Variants in SEMA6D observed in about 807,000 individuals in gnomAD.
SEMA6D encodes semaphorin-6D.
Under a neutral mutation model 106.6 loss-of-function variants are expected in SEMA6D, and 35 were observed. The observed-to-expected ratio is 0.33, with a 90% CI of 0.25 to 0.44. SEMA6D has a LOEUF of 0.44. SEMA6D is among the 20% of genes least tolerant of loss of function. The pLI, the probability that SEMA6D is intolerant of heterozygous loss-of-function variation, is 1.00. For synonymous variants in SEMA6D, 499 were observed against 487.7 expected, an observed-to-expected ratio of 1.02 and a Z score of -0.31; for missense variants, 1,185 against 1,345.9, an observed-to-expected ratio of 0.88 and a Z score of 1.87.
intron 4 of SEMA6D, among the ~76,000 whole-genome samples, chr15:47,610,366 G>A (rs564386922): frequency 4.6e-5 from 7 of 152,148 alleles, no homozygotes; most frequent in African/African-American, 9.7e-5. Context: ...ACATAAGTTC[G>A]ACACACATGC....
intron 4 of SEMA6D, among the ~76,000 whole-genome samples, chr15:47,687,658 A>G (rs774252956): frequency 1.3e-5 from 2 of 152,170 alleles, no homozygotes; most frequent in South Asian, 2.1e-4. Flanking sequence ...AGAAGTATCA[A>G]TCTGGAAGCA....
chr15:47,187,991 A>C (rs1331715588), intron 1 of SEMA6D, among the ~76,000 whole-genome samples: 1 of 152,188 alleles, frequency 6.6e-6, no homozygotes, highest in Non-Finnish European at 1.5e-5. Context: ...CACTAACTTC[A>C]TAAAGCATAA....
intron 1 of SEMA6D, among the ~76,000 whole-genome samples, chr15:47,254,301 GTATA>G (rs1207435534): frequency 8.8e-6 from 1 of 113,256 alleles, no homozygotes; most frequent in Non-Finnish European, 1.8e-5. Context: ...ATATAGATGT[GTATA>G]TATATGTATA....
Position 47,270,721 on chromosome 15 carries a change from C to T in SEMA6D, c.-239+86303C>T, listed in dbSNP as rs566567509. Among the ~76,000 whole-genome samples the T allele has an allele frequency of 3.0e-4, 46 of 152,138 alleles. 1 individual carries two copies. The highest frequency in any genetic ancestry group is 7.0e-4 in the African/African-American group (29 of 41,512). ...AAAAATATATATTACAGGCCGAACGCGGTGGTTCACACCCGTAATCCTAGC... is the reference window on the plus strand; with the variant it reads ...AAAAATATATATTACAGGCCGAACGTGGTGGTTCACACCCGTAATCCTAGC... On this transcript the variant is annotated intron_variant, in intron 1 of 19. Coordinates refer to the SEMA6D transcript ENST00000558014.
In SEMA6D at chr15:47,762,299, A is replaced by G; in HGVS notation, c.638A>G (p.Tyr213Cys). 6.2e-7 allele frequency: 1 copy of G among 1,613,534 alleles called. No homozygotes were observed. ...GGATCTGCCCTTCGCACAATAAAAT[A>G]TGATTCCAAATGGATAAAAGGTACC... Reference protein sequence around the residue: ...GDGSALRTIKYDSKWIKEPHF... With the variant: ...GDGSALRTIKCDSKWIKEPHF... The change falls in exon 8 of 19, where the codon TAT becomes TGT. Residue 213 changes from tyrosine (Y) to cysteine (C), a missense_variant. This residue lies in a region of SEMA6D where 291 missense variants were observed against 423.8 expected (regional missense o/e 0.69). Coordinates refer to ENST00000536845, the MANE Select transcript of SEMA6D (RefSeq NM_001358351.3).
intron 2 of SEMA6D, among the ~76,000 whole-genome samples, chr15:47,426,981 GT>G (rs996931928): frequency 2.0e-5 from 3 of 152,110 alleles, no homozygotes; most frequent in African/African-American, 7.2e-5. Context: ...CTTTATATGG[GT>G]TAAACTATTG....
At chr15:47,466,227 G>A (rs2042654482) in intron 2 of SEMA6D, among the ~76,000 whole-genome samples, 1 of 152,056 alleles carries the variant, frequency 6.6e-6, no homozygotes, top group South Asian at 2.1e-4. Context: ...ATTATTAACT[G>A]TAGTTTCCAT....
At chr15:47,645,777 T>C (rs1393590215) in intron 4 of SEMA6D, among the ~76,000 whole-genome samples, 2 of 152,128 alleles carry the variant, frequency 1.3e-5, no homozygotes, top group Non-Finnish European at 2.9e-5. Context: ...CAGCTATACA[T>C]TGGGATTCCC....
intron 1 of SEMA6D, among the ~76,000 whole-genome samples, chr15:47,224,038 G>C (rs924458158): frequency 8.6e-5 from 13 of 151,866 alleles, no homozygotes; most frequent in African/African-American, 3.1e-4. Context: ...GGATAGCATT[G>C]GGAGATATAC....
Position 47,276,937 on chromosome 15 carries a change from G to A in SEMA6D, c.-239+92519G>A, listed in dbSNP as rs368406668. ...ATTCATGGGAGGAGGTCAAGTTACC[G>A]ACATCAACAGATGTTTCAATGAAAT... is the stretch of plus-strand genomic sequence containing the variant. On this transcript the variant is annotated intron_variant, in intron 1 of 19. Transcript: ENST00000558014. Among the ~76,000 whole-genome samples the A allele has an allele frequency of 1.7e-3, 261 of 152,254 alleles. 2 individuals are homozygous for A. The highest frequency in any genetic ancestry group is 5.7e-3 in the African/African-American group (235 of 41,566).
intron 3 of SEMA6D, among the ~76,000 whole-genome samples, chr15:47,549,327 ATG>A (rs1209291992): frequency 6.6e-6 from 1 of 152,156 alleles, no homozygotes; most frequent in African/African-American, 2.4e-5. Flanking sequence ...AGAAGTGAAG[ATG>A]TGACCCTGAG....
chr15:47,614,967 C>T (rs2076979773), intron 4 of SEMA6D, among the ~76,000 whole-genome samples: 1 of 152,090 alleles, frequency 6.6e-6, no homozygotes, highest in Non-Finnish European at 1.5e-5. Flanking sequence ...ATTATTGTTT[C>T]CTCCATACAT....
chr15:47,575,696 G>GT (rs953568620), intron 3 of SEMA6D, among the ~76,000 whole-genome samples: 3 of 151,918 alleles, frequency 2.0e-5, no homozygotes, highest in African/African-American at 7.3e-5. Context: ...TCCAGCCTGG[G>GT]TAACAGAGCA....
At chr15:47,660,364 T>TG in intron 4 of SEMA6D, among the ~76,000 whole-genome samples, 1 of 152,320 alleles carries the variant, frequency 6.6e-6, no homozygotes, top group East Asian at 1.9e-4. Flanking sequence ...CGACACAATG[T>TG]GATAACTTGC....
intron 1 of SEMA6D, among the ~76,000 whole-genome samples, chr15:47,382,136 G>T (rs1343282840): frequency 2.0e-5 from 3 of 152,102 alleles, no homozygotes; most frequent in Non-Finnish European, 4.4e-5. Context: ...CATGGCAAAA[G>T]AAATACAGTA....
intron 1 of SEMA6D, among the ~76,000 whole-genome samples, chr15:47,245,030 G>T (rs368659216): frequency 8.1e-5 from 12 of 147,944 alleles, no homozygotes; most frequent in South Asian, 4.3e-4. Flanking sequence ...ACATGATTTT[G>T]TTTTTTTTTT....
chr15:47,245,597 T>C (rs1237141514), intron 1 of SEMA6D, among the ~76,000 whole-genome samples: 1 of 152,188 alleles, frequency 6.6e-6, no homozygotes, highest in African/African-American at 2.4e-5. Flanking sequence ...TCTGTACTAG[T>C]AAGGAAGATG....
chr15:47,184,218 A>C (rs1262785510), exon 1 of SEMA6D: 2 of 152,936 alleles, frequency 1.3e-5, no homozygotes, highest in Admixed American at 6.5e-5. Flanking sequence ...CAGGACTAGG[A>C]GGCAGCGGGG....
At chr15:47,570,061 CAA>C (rs565055320) in intron 3 of SEMA6D, among the ~76,000 whole-genome samples, 6 of 140,864 alleles carry the variant, frequency 4.3e-5, no homozygotes, top group Non-Finnish European at 9.3e-5. Context: ...GACTCCATCT[CAA>C]AAAAAAAAAA....
Sources: gnomAD v4.1 joint callset for allele counts (sites outside exome capture counted in the v4.1 genomes callset) on GRCh38, gnomAD v4.1.1 for gene constraint, gnomAD v4.1.1 regional missense constraint, MANE v1.5 for transcripts, NCBI Gene and HGNC (gene_info 2026-07-23, HGNC 2026-07-21) for gene names.